NLGN1: variants seen among roughly 807,000 people sequenced by gnomAD.
The protein encoded by NLGN1 is neuroligin-1.
Under a neutral mutation model 65.5 loss-of-function variants are expected in NLGN1, and 12 were observed. That is an observed-to-expected ratio of 0.18 (90% CI 0.12 to 0.30). The LOEUF is 0.30. NLGN1 is among the 10% of genes least tolerant of loss of function. NLGN1 has a pLI of 1.00. For synonymous variants in NLGN1, 350 were observed against 359.5 expected, an observed-to-expected ratio of 0.97 and a Z score of 0.30; for missense variants, 750 against 1,007.1, an observed-to-expected ratio of 0.74 and a Z score of 3.46.
chr3:173,644,880 G>A (rs1758003568), intron 3 of NLGN1, among the ~76,000 whole-genome samples: 1 of 152,254 alleles, frequency 6.6e-6, no homozygotes, highest in African/African-American at 2.4e-5. Context: ...GTGGGCAGGT[G>A]TTGAGGGGGC....
chr3:174,173,121 G>T (rs931723093), intron 4 of NLGN1, among the ~76,000 whole-genome samples: 1 of 151,932 alleles, frequency 6.6e-6, no homozygotes, highest in South Asian at 2.1e-4. Flanking sequence ...ATGGTTGGCT[G>T]TTGGCATATA....
intron 2 of NLGN1, among the ~76,000 whole-genome samples, chr3:173,495,823 C>T (rs1729930194): frequency 6.6e-6 from 1 of 151,624 alleles, no homozygotes. Flanking sequence ...AATCTTCACC[C>T]TATCCCAGTC....
chr3:173,498,174 A>G (rs1287195292), intron 2 of NLGN1, among the ~76,000 whole-genome samples: 2 of 151,632 alleles, frequency 1.3e-5, no homozygotes, highest in Admixed American at 6.6e-5. Flanking sequence ...ATTTAACATT[A>G]GGTATATCTC....
At chr3:173,657,737 A>G (rs1414762748) in intron 3 of NLGN1, among the ~76,000 whole-genome samples, 2 of 151,944 alleles carry the variant, frequency 1.3e-5, no homozygotes, top group Non-Finnish European at 2.9e-5. Context: ...TGGTTACTTT[A>G]TTCTCAGTAG....
At chr3:173,652,009 G>C (rs1759265649) in intron 3 of NLGN1, among the ~76,000 whole-genome samples, 1 of 152,136 alleles carries the variant, frequency 6.6e-6, no homozygotes, top group Non-Finnish European at 1.5e-5. Flanking sequence ...GGCCAGGCCG[G>C]TTTCAAACTC....
In NLGN1 at chr3:173,468,535, T is replaced by C. The variant is rs191513471; in HGVS notation, c.-321+33457T>C. Among the ~76,000 whole-genome samples the C allele has an allele frequency of 1.4e-4, 21 of 152,158 alleles. No individual in the cohort carries two copies. The East Asian group carries it at 4.1e-3, about 29-fold the overall frequency. On this transcript the variant is annotated intron_variant, in intron 2 of 6. Coordinates refer to ENST00000457714, the Ensembl canonical transcript of NLGN1. ...CACAAATCTGAATGAGTGAGGCACATTTTCACATCAATGTAGGTGGATACT... is the reference window on the plus strand; with the variant it reads ...CACAAATCTGAATGAGTGAGGCACACTTTCACATCAATGTAGGTGGATACT...
At chr3:174,206,669 A>G (rs570834485) in intron 4 of NLGN1, among the ~76,000 whole-genome samples, 1 of 152,292 alleles carries the variant, frequency 6.6e-6, no homozygotes, top group East Asian at 1.9e-4. Flanking sequence ...ATAATTTATG[A>G]TAAGTTCTTC....
Position 173,428,591 on chromosome 3 carries a change from A to T in NLGN1, c.-389-6419A>T, listed in dbSNP as rs199851369. ...TTTGACCTTTTTTGTCTCAATTTTT[A>T]TCTTTATATATTCCTATCTCTTAAG... On this transcript the variant is annotated intron_variant, in intron 1 of 6. Transcript: ENST00000457714. Among the ~76,000 whole-genome samples, 6 of 152,030 alleles carry T rather than the reference A, an allele frequency of 3.9e-5. No individual in the cohort carries two copies. The East Asian group carries it at 1.2e-3, about 29-fold the overall frequency.
Position 174,051,115 on chromosome 3 carries a change from C to G in NLGN1, c.647-224200C>G, listed in dbSNP as rs140542648. On this transcript the variant is annotated intron_variant, in intron 4 of 6. Coordinates refer to ENST00000457714, the Ensembl canonical transcript of NLGN1. ...GTTTTAGGTAATGGGATTCCAGGTG[C>G]TATTACATTAAGAATTCTAATTTAA... is the stretch of plus-strand genomic sequence containing the variant. Among the ~76,000 whole-genome samples the G allele has an allele frequency of 2.2e-4, 33 of 152,164 alleles. 1 individual carries two copies. The East Asian group carries it at 5.4e-3, about 25-fold the overall frequency.
rs543513468 is a variant in NLGN1 at position 174,275,228 on chromosome 3, T to G, written c.647-87T>G. The G allele has an allele frequency of 3.1e-6, 3 of 957,574 alleles. No individual in the cohort carries two copies. The East Asian group carries it at 7.3e-5, about 23-fold the overall frequency. 59.3% of individuals were successfully genotyped at this position (957,574 alleles called of 1,614,324 possible). A position where few individuals can be genotyped will look rare whatever the true frequency, so the allele number is the denominator to read the frequency against. Reference sequence around the variant, plus strand: ...TGAACTTGGACTGTCCCTACCTTGATTAATACAGGCTTCATTTGTGTTTAA... The same window carrying G: ...TGAACTTGGACTGTCCCTACCTTGAGTAATACAGGCTTCATTTGTGTTTAA... On this transcript the variant is annotated intron_variant, in intron 4 of 6. Transcript: ENST00000457714.
At chr3:174,192,815 TC>T (rs1224723031) in intron 4 of NLGN1, among the ~76,000 whole-genome samples, 1 of 152,088 alleles carries the variant, frequency 6.6e-6, no homozygotes, top group African/African-American at 2.4e-5. Context: ...TTCCCCAATT[TC>T]CCTCCCTAGC....
intron 4 of NLGN1, among the ~76,000 whole-genome samples, chr3:174,121,949 G>A (rs1717864618): frequency 6.6e-6 from 1 of 152,082 alleles, no homozygotes; most frequent in South Asian, 2.1e-4. Flanking sequence ...TGTAAATCAA[G>A]CAGACTTTTC....
At chr3:173,991,826 G>GT (rs1229354935) in intron 4 of NLGN1, among the ~76,000 whole-genome samples, 2 of 151,954 alleles carry the variant, frequency 1.3e-5, no homozygotes, top group Non-Finnish European at 2.9e-5. Context: ...TTGTTTGTTT[G>GT]TTTTTTGACG....
chr3:174,093,922 A>C (rs1744982111), intron 4 of NLGN1, among the ~76,000 whole-genome samples: 1 of 152,130 alleles, frequency 6.6e-6, no homozygotes. Context: ...ATAATCTCAT[A>C]TATCTCATGA....
chr3:173,948,613 G>C (rs1747634139), intron 4 of NLGN1, among the ~76,000 whole-genome samples: 1 of 152,176 alleles, frequency 6.6e-6, no homozygotes, highest in Admixed American at 6.5e-5. Flanking sequence ...CAAAGGAAGA[G>C]GACACATTCC....
At chr3:174,005,471 A>T (rs1040024450) in intron 4 of NLGN1, among the ~76,000 whole-genome samples, 1 of 152,028 alleles carries the variant, frequency 6.6e-6, no homozygotes, top group Admixed American at 6.6e-5. Context: ...AATATATATG[A>T]CTCTGTCATG....
intron 2 of NLGN1, among the ~76,000 whole-genome samples, chr3:173,495,147 A>G (rs1194700243): frequency 2.0e-5 from 3 of 151,724 alleles, no homozygotes; most frequent in Non-Finnish European, 4.4e-5. Context: ...AACTATCTAT[A>G]TCTTCTTTAC....
intron 4 of NLGN1, among the ~76,000 whole-genome samples, chr3:174,261,829 A>C (rs898041834): frequency 6.7e-6 from 1 of 149,398 alleles, no homozygotes; most frequent in African/African-American, 2.5e-5. Flanking sequence ...GTTGTCATAG[A>C]TAGCTCTTAT....
chr3:173,603,910 G>A (rs1459610300), intron 2 of NLGN1, among the ~76,000 whole-genome samples: 1 of 151,972 alleles, frequency 6.6e-6, no homozygotes, highest in Admixed American at 6.6e-5. Context: ...CTGCTATTGG[G>A]TTTTAAAACT....
Sources: allele counts gnomAD v4.1 joint callset (sites outside exome capture counted in the v4.1 genomes callset), GRCh38; gene constraint gnomAD v4.1.1; transcripts MANE v1.5; gene names NCBI Gene and HGNC (gene_info 2026-07-23, HGNC 2026-07-21).